Variants in OTUD4 observed in about 807,000 individuals in gnomAD.
The protein encoded by OTUD4 is OTU deubiquitinase 4.
A neutral mutation model predicts 130.4 loss-of-function variants in OTUD4; 24 were observed. The ratio of observed to expected loss-of-function variants is 0.18; its 90% confidence interval spans 0.13 to 0.26. The LOEUF (loss-of-function observed/expected upper bound fraction) is 0.26, where lower values mean the gene tolerates loss of function less well. Among genes scored for constraint, OTUD4 ranks in the 10% least tolerant of loss-of-function variants. OTUD4 has a pLI of 1.00. For synonymous variants in OTUD4, 420 were observed against 472.5 expected, an observed-to-expected ratio of 0.89 and a Z score of 1.44; for missense variants, 1,031 against 1,329.4, an observed-to-expected ratio of 0.78 and a Z score of 3.49.
At chr4:145,167,061 A>G (rs1391945153) in intron 3 of OTUD4, among the ~76,000 whole-genome samples, 1 of 152,196 alleles carries the variant, frequency 6.6e-6, no homozygotes, top group African/African-American at 2.4e-5. Context: ...TAAATTGACA[A>G]TAGAGACAGG....
At chr4:145,155,212 G>C (rs1011420577) in intron 10 of OTUD4, among the ~76,000 whole-genome samples, 199 bp downstream of exon 10, 2 of 152,176 alleles carry the variant, frequency 1.3e-5, no homozygotes, top group African/African-American at 4.8e-5. Context: ...CACGGTTTTA[G>C]ATACATACAA....
chr4:145,146,285 C>T lies in OTUD4; in HGVS notation c.1404G>A (p.Gln468=), dbSNP rs1030424819. Residue 468 remains glutamine, a synonymous_variant, in exon 14 of 21, where the codon CAG becomes CAA. Coordinates refer to ENST00000447906, the MANE Select transcript of OTUD4 (RefSeq NM_001366057.1). The part of the protein sequence containing the change: ...LLYEIQNRDE[Q]AFPALSSSSV... ...TACATACGGAAAGGGCTGGGAAAGC[C>T]TGTTCATCTCTGTTCTGAATCTCAT... The T allele has an allele frequency of 1.3e-6, 2 of 1,558,250 alleles. No homozygotes were observed. Among genetic ancestry groups the T allele is most frequent in the African/African-American group, 2.8e-5 (2 of 72,046 alleles).
Position 145,133,874 on chromosome 4 carries a change from GTATA to G in OTUD4, c.*3552_*3555del, listed in dbSNP as rs1220699255. On this transcript the variant is annotated 3_prime_UTR_variant, in exon 21 of 21. Coordinates refer to ENST00000447906, the MANE Select transcript of OTUD4 (RefSeq NM_001366057.1). The stretch of plus-strand genomic sequence containing the variant: ...TTCCTTTTAACACTTCAAAAGATAT[GTATA>G]TATACTTTTTTTTACAAGTAACATC... 3 of 152,594 alleles carry G rather than the reference GTATA, an allele frequency of 2.0e-5. No homozygotes were observed. The highest frequency in any genetic ancestry group is 2.9e-5 in the Non-Finnish European group (2 of 68,030). 9.5% of individuals were successfully genotyped at this position (152,594 alleles called of 1,614,324 possible).
intron 7 of OTUD4, among the ~76,000 whole-genome samples, chr4:145,157,229 G>A (rs1751336383): frequency 6.6e-6 from 1 of 152,200 alleles, no homozygotes; most frequent in African/African-American, 2.4e-5. Flanking sequence ...AAAAATGAGT[G>A]TTGAGATGTA....
At chr4:145,165,230 G>C (rs1314886256) in intron 3 of OTUD4, 33 bp from the exon 4 acceptor site, 3 of 1,493,824 alleles carry the variant, frequency 2.0e-6, no homozygotes, top group Non-Finnish European at 2.8e-6. Context: ...GCATGTAAGT[G>C]TCTCACACTT....
intron 6 of OTUD4, among the ~76,000 whole-genome samples, chr4:145,160,319 TAC>T (rs1008590169): frequency 6.6e-6 from 1 of 152,188 alleles, no homozygotes; most frequent in Non-Finnish European, 1.5e-5. Flanking sequence ...AAGCAGCTGT[TAC>T]AAAATATATT....
At chr4:145,179,415 A>T (rs1317214524) in intron 1 of OTUD4, among the ~76,000 whole-genome samples, 3 of 152,210 alleles carry the variant, frequency 2.0e-5, no homozygotes, top group African/African-American at 7.2e-5. Flanking sequence ...CACTTCTAGT[A>T]AACACTTGGT....
In OTUD4 at chr4:145,134,324, G is replaced by C. The variant is rs1292382245; in HGVS notation, c.*3106C>G. 2 of 175,084 alleles carry C rather than the reference G, an allele frequency of 1.1e-5. No homozygotes were observed. Among genetic ancestry groups the C allele is most frequent in the African/African-American group, 4.7e-5 (2 of 42,500 alleles). The allele number at this position is 175,084 out of a possible 1,614,324, so 10.8% of individuals were successfully genotyped here. A position where few individuals can be genotyped will look rare whatever the true frequency, so the allele number is the denominator to read the frequency against. On this transcript the variant is annotated 3_prime_UTR_variant, in exon 21 of 21. Transcript: ENST00000447906. ...ATATGCATTCTCTTCAGCTACACTA[G>C]AGTGGACCTTGCTTAGTACCCTTAA...
At chr4:145,164,378 A>C (rs1237140548) in intron 4 of OTUD4, 152 bp from the exon 5 acceptor site, 2 of 392,884 alleles carry the variant, frequency 5.1e-6, no homozygotes, top group African/African-American at 4.1e-5. Flanking sequence ...CTAAGTTGTA[A>C]AATATCTATA....
chr4:145,171,787 G>C (rs1008996061), intron 2 of OTUD4, 67 bp from the exon 3 acceptor site: 1 of 774,640 alleles, frequency 1.3e-6, no homozygotes, highest in Non-Finnish European at 2.3e-6. Flanking sequence ...CCGCTTCGCT[G>C]TGTAAACATT....
At chr4:145,145,710 T>C (rs1271689487) in intron 14 of OTUD4, among the ~76,000 whole-genome samples, 1 of 152,152 alleles carries the variant, frequency 6.6e-6, no homozygotes, top group African/African-American at 2.4e-5. Context: ...AGCACATACT[T>C]CATTCTACAT....
At chr4:145,169,225 C>T (rs528366217) in intron 3 of OTUD4, among the ~76,000 whole-genome samples, 14 of 152,310 alleles carry the variant, frequency 9.2e-5, no homozygotes, top group African/African-American at 3.1e-4. Flanking sequence ...GTTACATGAG[C>T]ATATACACTT....
intron 3 of OTUD4, among the ~76,000 whole-genome samples, chr4:145,167,918 T>C (rs1399045173): frequency 2.6e-5 from 4 of 152,096 alleles, no homozygotes; most frequent in Admixed American, 6.6e-5. Context: ...ATGAGAATAA[T>C]GTACTTTTTG....
intron 6 of OTUD4, 29 bp from the exon 7 acceptor site, chr4:145,159,664 A>T (rs1354783202): frequency 6.2e-7 from 1 of 1,607,062 alleles, no homozygotes; most frequent in East Asian, 2.2e-5. Context: ...AGATTTTCCA[A>T]CATTAACTAC....
chr4:145,166,910 C>T (rs896856053), intron 3 of OTUD4, among the ~76,000 whole-genome samples: 2 of 152,064 alleles, frequency 1.3e-5, no homozygotes, highest in Non-Finnish European at 2.9e-5. Context: ...GAGGTATAAC[C>T]ACATGAAATG....
At chr4:145,141,263 C>T in intron 19 of OTUD4, 116 bp downstream of exon 19, 1 of 663,316 alleles carries the variant, frequency 1.5e-6, no homozygotes, top group African/African-American at 1.9e-5. Context: ...GCTGTCCTTC[C>T]CATCCTTGAG....
At chr4:145,168,711 G>A (rs1013151173) in intron 3 of OTUD4, among the ~76,000 whole-genome samples, 6 of 152,174 alleles carry the variant, frequency 3.9e-5, no homozygotes, top group Non-Finnish European at 1.5e-5. Context: ...TTGCTGATGA[G>A]AAAGCAAAAT....
rs2126821904 is a variant in OTUD4 at position 145,180,468 on chromosome 4, G to C, written c.-495C>G. ...ACCAAAAAGAAAGACGCGGCCTTTC[G>C]TTTCCCCACCTCGCTGGAGGGCGCC... On this transcript the variant is annotated 5_prime_UTR_variant, in exon 1 of 21. Transcript: ENST00000447906. Among the ~76,000 whole-genome samples the C allele has an allele frequency of 1.3e-5, 2 of 152,340 alleles. No homozygotes were observed. Among genetic ancestry groups the C allele is most frequent in the South Asian group, 2.1e-4 (1 of 4,834 alleles).
At chr4:145,150,947 G>C in intron 11 of OTUD4, 42 bp from the exon 12 acceptor site, 1 of 1,198,406 alleles carries the variant, frequency 8.3e-7, no homozygotes, top group Non-Finnish European at 1.2e-6. Flanking sequence ...AAATACCCTA[G>C]TAAGAATAGT....
Sources: gnomAD v4.1 joint callset for allele counts (sites outside exome capture counted in the v4.1 genomes callset) on GRCh38, gnomAD v4.1.1 for gene constraint, MANE v1.5 for transcripts, NCBI Gene and HGNC (gene_info 2026-07-23, HGNC 2026-07-21) for gene names.